The following ZC3H3 variants were observed in gnomAD, a reference collection of about 807,000 sequenced individuals.
The protein encoded by ZC3H3 is zinc finger CCCH-type containing 3.
A neutral mutation model predicts 77.3 loss-of-function variants in ZC3H3; 36 were observed. That is an observed-to-expected ratio of 0.47 (90% CI 0.36 to 0.61). ZC3H3 has a LOEUF of 0.61. Among genes scored for constraint, ZC3H3 ranks in the 20% least tolerant of loss-of-function variants. The pLI is 0.00. For missense variants in ZC3H3, 1,331 were observed against 1,312.2 expected (o/e 1.01, Z -0.22); for synonymous variants, 626 against 555.2 (o/e 1.13, Z -1.79).
chr8:143,451,039 A>G (rs1819974954), intron 9 of ZC3H3, among the ~76,000 whole-genome samples: 2 of 152,138 alleles, frequency 1.3e-5, no homozygotes, highest in Non-Finnish European at 2.9e-5. Context: ...ACAAACCACC[A>G]GAGAAGGCCT....
intron 3 of ZC3H3, among the ~76,000 whole-genome samples, chr8:143,512,207 T>C (rs576166062): frequency 1.6e-4 from 24 of 152,294 alleles, no homozygotes; most frequent in African/African-American, 5.3e-4. Flanking sequence ...CTGCCCAGGG[T>C]GACGGATGGC....
At chr8:143,510,549 G>A (rs1010929929) in intron 3 of ZC3H3, among the ~76,000 whole-genome samples, 5 of 152,212 alleles carry the variant, frequency 3.3e-5, no homozygotes, top group Admixed American at 6.5e-5. Flanking sequence ...CATGGCACAC[G>A]GACCCAGAAA....
chr8:143,536,738 A>G (rs58617001), intron 2 of ZC3H3, among the ~76,000 whole-genome samples: 5,831 of 151,918 alleles, frequency 0.038, 366 homozygotes, highest in African/African-American at 0.13. Flanking sequence ...CTCCGTCCCC[A>G]CCCGCATGTC....
intron 4 of ZC3H3, among the ~76,000 whole-genome samples, chr8:143,479,468 A>T (rs1002176846): frequency 3.3e-5 from 5 of 152,220 alleles, no homozygotes. Flanking sequence ...GGAGCTGCAG[A>T]TCTAAAGGCC....
intron 3 of ZC3H3, among the ~76,000 whole-genome samples, chr8:143,532,226 C>A (rs60183493): frequency 9.6e-6 from 1 of 103,910 alleles, no homozygotes; most frequent in Non-Finnish European, 2.2e-5. Flanking sequence ...AAGGAAATTA[C>A]GCGATTACCA....
chr8:143,475,520 G>C lies in ZC3H3; in HGVS notation c.1781C>G (p.Pro594Arg). 1 of 1,611,990 alleles carries C rather than the reference G, an allele frequency of 6.2e-7. No individual in the cohort carries two copies. The highest frequency in any genetic ancestry group is 8.5e-7 in the Non-Finnish European group (1 of 1,179,568). ...SGGGKAQPGSPWWRSKGYRCI... is the reference protein window; with the variant it reads ...SGGGKAQPGSRWWRSKGYRCI... Reference sequence around the variant, plus strand: ...GCGGTAGCCTTTGCTCCGCCACCAAGGGGAGCCCGGTTGGGCTTTCCCACC... The same window carrying C: ...GCGGTAGCCTTTGCTCCGCCACCAACGGGAGCCCGGTTGGGCTTTCCCACC... The change falls in exon 5 of 12, where the codon CCT (proline) becomes CGT (arginine). Residue 594 changes from proline to arginine, a missense_variant. This residue lies in a region of ZC3H3 where 978 missense variants were observed against 915.5 expected (regional missense o/e 1.07). Transcript: ENST00000262577.
chr8:143,443,757 G>C (rs1263948827), intron 9 of ZC3H3, among the ~76,000 whole-genome samples: 2 of 152,258 alleles, frequency 1.3e-5, no homozygotes, highest in Non-Finnish European at 2.9e-5. Flanking sequence ...GGAACGCTAA[G>C]CGTGTAACTA....
intron 9 of ZC3H3, among the ~76,000 whole-genome samples, chr8:143,463,157 G>A (rs1037508724): frequency 2.0e-5 from 3 of 152,226 alleles, no homozygotes; most frequent in East Asian, 1.9e-4. Flanking sequence ...CTAACTTTTC[G>A]TATTTTTAGT....
At chr8:143,500,353 A>G (rs1821487747) in intron 4 of ZC3H3, among the ~76,000 whole-genome samples, 1 of 152,178 alleles carries the variant, frequency 6.6e-6, no homozygotes, top group Admixed American at 6.5e-5. Flanking sequence ...AACTGACGCT[A>G]CACACTGACA....
In ZC3H3 at chr8:143,453,726, T is replaced by C. The variant is rs1464052464; in HGVS notation, c.2307+11991A>G. Among the ~76,000 whole-genome samples, 3 of 152,352 alleles carry C rather than the reference T, an allele frequency of 2.0e-5. No homozygotes were observed. The East Asian group carries it at 5.8e-4, about 29-fold the overall frequency. On this transcript the variant is annotated intron_variant, in intron 9 of 11. Coordinates refer to ENST00000262577, the MANE Select transcript of ZC3H3 (RefSeq NM_015117.3). ...ATAAACATACCAGACTTTCCATCTC[T>C]TCCCCAGTTTTTAAAATTATGTTTG...
intron 4 of ZC3H3, among the ~76,000 whole-genome samples, chr8:143,499,473 G>A (rs1821460048): frequency 6.6e-6 from 1 of 152,168 alleles, no homozygotes; most frequent in Non-Finnish European, 1.5e-5. Context: ...CCCAGCCGGT[G>A]TTCAGTGCAA....
chr8:143,502,307 C>A (rs1322587737), intron 4 of ZC3H3, among the ~76,000 whole-genome samples: 2 of 152,264 alleles, frequency 1.3e-5, no homozygotes, highest in Non-Finnish European at 2.9e-5. Flanking sequence ...TGGCTGGCGT[C>A]CCAGGAGGCT....
In ZC3H3 at chr8:143,462,843, G is replaced by A. The variant is rs556661496; in HGVS notation, c.2307+2874C>T. ...CCCAGCCCTGTGCACTGGGGGCGCT[G>A]GCAGCAGCCAACACCCTAGCTGCAA... On this transcript the variant is annotated intron_variant, in intron 9 of 11. Coordinates refer to ENST00000262577, the MANE Select transcript of ZC3H3 (RefSeq NM_015117.3). This position sits in a 1 kb window ranked among gnomAD's most constrained non-coding sequence, Gnocchi z 4.7. Among the ~76,000 whole-genome samples the A allele has an allele frequency of 3.3e-5, 5 of 152,308 alleles. No individual in the cohort carries two copies. In the East Asian group the frequency reaches 9.6e-4, roughly 29 times the overall value.
intron 2 of ZC3H3, among the ~76,000 whole-genome samples, chr8:143,537,446 G>C (rs1474183084): frequency 6.6e-6 from 1 of 152,030 alleles, no homozygotes; most frequent in Non-Finnish European, 1.5e-5. Flanking sequence ...GCAGCCCTCA[G>C]CCTGAGGGCC....
chr8:143,442,094 G>A (rs535934268), intron 9 of ZC3H3, among the ~76,000 whole-genome samples: 8 of 152,170 alleles, frequency 5.3e-5, no homozygotes, highest in African/African-American at 1.9e-4. Flanking sequence ...CCTGACCTAA[G>A]AATCTGGGAT....
intron 3 of ZC3H3, among the ~76,000 whole-genome samples, chr8:143,512,787 A>G (rs1206461206): frequency 6.6e-6 from 1 of 152,246 alleles, no homozygotes; most frequent in African/African-American, 2.4e-5. Context: ...GCCAGGGACG[A>G]GGCAACGTCT....
intron 3 of ZC3H3, among the ~76,000 whole-genome samples, chr8:143,512,284 C>T (rs901469269): frequency 6.6e-6 from 1 of 152,260 alleles, no homozygotes; most frequent in Non-Finnish European, 1.5e-5. Flanking sequence ...GAAGATTCCA[C>T]CTTCTTTGTA....
intron 4 of ZC3H3, among the ~76,000 whole-genome samples, chr8:143,479,286 C>A (rs144541544): frequency 8.5e-5 from 13 of 152,152 alleles, no homozygotes; most frequent in African/African-American, 1.2e-4. Flanking sequence ...TAGCTTTTCA[C>A]GGCCGTGGGT....
chr8:143,518,008 G>T (rs1294304071), intron 3 of ZC3H3, among the ~76,000 whole-genome samples: 1 of 151,986 alleles, frequency 6.6e-6, no homozygotes, highest in East Asian at 1.9e-4. Context: ...CACGTCTCAG[G>T]GTACAGGACC....
Sources: gnomAD v4.1 joint callset for allele counts (sites outside exome capture counted in the v4.1 genomes callset) on GRCh38, gnomAD v4.1.1 for gene constraint, gnomAD v4.1.1 regional missense constraint, Gnocchi (gnomAD v3.1) non-coding constraint, MANE v1.5 for transcripts, NCBI Gene and HGNC (gene_info 2026-07-23, HGNC 2026-07-21) for gene names.